The following NCOA1 variants were observed in gnomAD, a reference collection of about 807,000 sequenced individuals.
The protein encoded by NCOA1 is Hin-2 protein.
In NCOA1, 35 loss-of-function variants were observed where a neutral mutation model predicts 150.9. The observed-to-expected ratio is 0.23, with a 90% CI of 0.18 to 0.31. The LOEUF is 0.31. Among genes scored for constraint, NCOA1 ranks in the 10% least tolerant of loss-of-function variants. The pLI, the probability that NCOA1 is intolerant of heterozygous loss-of-function variation, is 1.00. For missense variants in NCOA1, 1,491 were observed against 1,749.3 expected (o/e 0.85, Z 2.63); for synonymous variants, 590 against 630.0 (o/e 0.94, Z 0.95).
At chr2:24,510,039 G>A (rs1014787916) in intron 1 of NCOA1, among the ~76,000 whole-genome samples, 1 of 152,180 alleles carries the variant, frequency 6.6e-6, no homozygotes, top group Non-Finnish European at 1.5e-5. Context: ...CCTGCCTGGG[G>A]CAGAGTGTAG....
rs1338929649 is a variant in NCOA1 at position 24,527,868 on chromosome 2, T to C, written c.-396+36266T>C. Among the ~76,000 whole-genome samples, 3 of 152,178 alleles carry C rather than the reference T, an allele frequency of 2.0e-5. No individual in the cohort carries two copies. The East Asian group carries it at 5.8e-4, about 29-fold the overall frequency. On this transcript the variant is annotated intron_variant, in intron 1 of 22. Transcript: ENST00000348332. ...TTTTAATAACAGCTATCCTAATTGG[T>C]TTAAGGTGATATCTCATAGTGTTTT...
intron 5 of NCOA1, among the ~76,000 whole-genome samples, chr2:24,662,912 T>C (rs949872975): frequency 5.3e-5 from 8 of 151,822 alleles, no homozygotes; most frequent in African/African-American, 1.5e-4. Context: ...CTCAGCCTCC[T>C]GAGTAACTAG....
intron 14 of NCOA1, among the ~76,000 whole-genome samples, chr2:24,716,036 C>T (rs1030224860): frequency 6.7e-6 from 1 of 149,888 alleles, no homozygotes; most frequent in African/African-American, 2.5e-5. Context: ...CCTAGCTACT[C>T]GGGAGGCTGA....
intron 14 of NCOA1, among the ~76,000 whole-genome samples, chr2:24,723,196 T>C (rs948912645): frequency 1.3e-5 from 2 of 152,190 alleles, no homozygotes; most frequent in African/African-American, 4.8e-5. Flanking sequence ...AAAATACAAA[T>C]AGTGTCATAC....
At chr2:24,702,009 CA>C (rs1436809333) in intron 11 of NCOA1, among the ~76,000 whole-genome samples, 2 of 150,616 alleles carry the variant, frequency 1.3e-5, no homozygotes, top group East Asian at 3.9e-4. Flanking sequence ...GACCCTGTCT[CA>C]AAAAAAGAAA....
At chr2:24,591,010 A>G (rs1392977558) in intron 3 of NCOA1, among the ~76,000 whole-genome samples, 1 of 152,198 alleles carries the variant, frequency 6.6e-6, no homozygotes, top group South Asian at 2.1e-4. Context: ...GAAGGTGACC[A>G]GTATTTGTTG....
At chr2:24,498,956 T>C (rs146117032) in intron 1 of NCOA1, among the ~76,000 whole-genome samples, 22 of 152,340 alleles carry the variant, frequency 1.4e-4, no homozygotes, top group African/African-American at 5.0e-4. Context: ...ATGGTTTTTT[T>C]TTTGAATAGA....
At chr2:24,708,640 G>A (rs1572623854) in intron 13 of NCOA1, among the ~76,000 whole-genome samples, 1 of 152,048 alleles carries the variant, frequency 6.6e-6, no homozygotes, top group African/African-American at 2.4e-5. Context: ...CTTATTTAGA[G>A]ACAGAATATA....
At chr2:24,587,563 TTTG>T (rs1467489640) in intron 3 of NCOA1, among the ~76,000 whole-genome samples, 13 of 152,328 alleles carry the variant, frequency 8.5e-5, no homozygotes, top group Admixed American at 5.2e-4. Flanking sequence ...AGAACAGATT[TTTG>T]TTGTTGTTGT....
chr2:24,636,170 A>G (rs1349355600), intron 3 of NCOA1, among the ~76,000 whole-genome samples: 3 of 152,208 alleles, frequency 2.0e-5, no homozygotes, highest in Non-Finnish European at 4.4e-5. Context: ...CTTTTCAAAT[A>G]TATGAATTAA....
At chr2:24,515,156 G>A (rs1572369774) in intron 1 of NCOA1, among the ~76,000 whole-genome samples, 1 of 152,128 alleles carries the variant, frequency 6.6e-6, no homozygotes, top group Admixed American at 6.5e-5. Flanking sequence ...TTTGTATGGC[G>A]TTCCTAAATT....
chr2:24,621,004 T>C (rs1669125815), intron 3 of NCOA1, among the ~76,000 whole-genome samples: 1 of 152,196 alleles, frequency 6.6e-6, no homozygotes, highest in South Asian at 2.1e-4. Context: ...TACTTTGAAT[T>C]CATGATACCA....
At chr2:24,561,727 A>G (rs1040917939) in intron 1 of NCOA1, among the ~76,000 whole-genome samples, 12 of 152,176 alleles carry the variant, frequency 7.9e-5, no homozygotes, top group African/African-American at 2.9e-4. Context: ...TTACTCATGA[A>G]ATCACCAGGA....
intron 3 of NCOA1, among the ~76,000 whole-genome samples, chr2:24,627,655 A>G (rs1389835710): frequency 1.3e-5 from 2 of 152,230 alleles, no homozygotes; most frequent in Non-Finnish European, 2.9e-5. Flanking sequence ...GGAAATTAAA[A>G]TCCTATCTGA....
At position 24,768,445 on chromosome 2, in the gene NCOA1, T is replaced by G. The variant is rs1286706760; in HGVS notation, c.*54T>G. 6.9e-6 allele frequency: 8 copies of G among 1,161,062 alleles called. No homozygotes were observed. The Admixed American group carries it at 2.4e-4, about 35-fold the overall frequency. 71.9% of individuals were successfully genotyped at this position (1,161,062 alleles called of 1,614,324 possible). A position where few individuals can be genotyped will look rare whatever the true frequency, so the allele number is the denominator to read the frequency against. On this transcript the variant is annotated 3_prime_UTR_variant, in exon 23 of 23. Coordinates refer to ENST00000348332, the MANE Select transcript of NCOA1 (RefSeq NM_003743.5). The stretch of plus-strand genomic sequence containing the variant: ...TAATAGACATACAGAGATATACAAA[T>G]ATATTATATATTTTTCTGAGATTTT...
At chr2:24,642,007 C>CGTGTGTGTGTGTGTGTGTGTGTGT (rs58991961) in intron 3 of NCOA1, among the ~76,000 whole-genome samples, 3 of 145,032 alleles carry the variant, frequency 2.1e-5, no homozygotes, top group Admixed American at 6.9e-5. Context: ...TTACAGAGGG[C>CGTGTGTGTGTGTGTGTGTGTGTGT]GTGTGTGTGT....
At chr2:24,737,260 G>T (rs1443820842) in intron 17 of NCOA1, among the ~76,000 whole-genome samples, 4 of 152,164 alleles carry the variant, frequency 2.6e-5, no homozygotes, top group Non-Finnish European at 5.9e-5. Context: ...GAAGAGGCAG[G>T]TCAAAATAAG....
chr2:24,515,243 A>AT (rs1284340653), intron 1 of NCOA1, among the ~76,000 whole-genome samples: 4 of 151,482 alleles, frequency 2.6e-5, no homozygotes, highest in Admixed American at 1.3e-4. Flanking sequence ...CATTTTTATT[A>AT]TTTTTTTGAG....
At chr2:24,719,532 TA>T (rs1674252074) in intron 14 of NCOA1, among the ~76,000 whole-genome samples, 1 of 152,220 alleles carries the variant, frequency 6.6e-6, no homozygotes, top group African/African-American at 2.4e-5. Flanking sequence ...CTTGTAGTTG[TA>T]AAGATAGAAT....
Sources: gnomAD v4.1 joint callset for allele counts (sites outside exome capture counted in the v4.1 genomes callset) on GRCh38, gnomAD v4.1.1 for gene constraint, MANE v1.5 for transcripts, NCBI Gene and HGNC (gene_info 2026-07-23, HGNC 2026-07-21) for gene names.